The following BIRC6 variants were observed in gnomAD, a reference collection of about 807,000 sequenced individuals.
BIRC6 encodes dual E2 ubiquitin-conjugating enzyme/E3 ubiquitin-protein ligase BIRC6.
BIRC6 carries 98 observed loss-of-function variants against 503.3 expected under a neutral mutation model. That is an observed-to-expected ratio of 0.19 (90% CI 0.17 to 0.23). The LOEUF is 0.23. BIRC6 is among the 10% of genes least tolerant of loss of function. BIRC6 has a pLI of 1.00. For missense variants in BIRC6, 5,360 were observed against 5,806.0 expected (o/e 0.92, Z 2.50); for synonymous variants, 2,240 against 2,078.7 (o/e 1.08, Z -2.11).
At chr2:32,556,153 C>A (rs979994196) in intron 65 of BIRC6, among the ~76,000 whole-genome samples, 3 of 152,074 alleles carry the variant, frequency 2.0e-5, no homozygotes, top group Non-Finnish European at 4.4e-5. Flanking sequence ...ATGTTAATTC[C>A]TTTTATTTAG....
At chr2:32,484,908 G>GTT (rs1027770286) in intron 39 of BIRC6, among the ~76,000 whole-genome samples, 7 of 152,122 alleles carry the variant, frequency 4.6e-5, no homozygotes, top group African/African-American at 2.4e-5. Flanking sequence ...GTTGTCATCT[G>GTT]TTTTTTGATG....
rs1355232335 is a variant in BIRC6, at chr2:32,506,891, G to A, written c.9701-1089G>A. On this transcript the variant is annotated intron_variant, in intron 50 of 73. Transcript: ENST00000421745. The stretch of plus-strand genomic sequence containing the variant: ...GATAATACTTTCCTCAAAAGGTTTT[G>A]AAGTAGAAATTTAAAAATTAACTTG... Among the ~76,000 whole-genome samples, 3 of 152,104 alleles carry A rather than the reference G, an allele frequency of 2.0e-5. No homozygotes were observed. The East Asian group carries it at 5.8e-4, about 29-fold the overall frequency.
At chr2:32,579,935 G>T (rs1430455927) in intron 66 of BIRC6, among the ~76,000 whole-genome samples, 8 of 151,488 alleles carry the variant, frequency 5.3e-5, no homozygotes, top group Admixed American at 2.0e-4. Context: ...ATATAAATGG[G>T]GGAAATAATA....
intron 28 of BIRC6, 98 bp downstream of exon 28, chr2:32,468,209 C>A: frequency 8.0e-7 from 1 of 1,256,946 alleles, no homozygotes; most frequent in Non-Finnish European, 1.1e-6. Context: ...CATAGGTGTA[C>A]AGATAAGAGA....
At chr2:32,456,551 G>T (rs992753816) in intron 23 of BIRC6, among the ~76,000 whole-genome samples, 3 of 152,218 alleles carry the variant, frequency 2.0e-5, no homozygotes, top group Non-Finnish European at 4.4e-5. Flanking sequence ...GCTTCAGTAA[G>T]TAAGTAACCT....
chr2:32,429,697 C>CT (rs2043891048), intron 11 of BIRC6, among the ~76,000 whole-genome samples: 2 of 152,000 alleles, frequency 1.3e-5, no homozygotes, highest in Admixed American at 1.3e-4. Context: ...TTGTTTTTGC[C>CT]TTTTTTCTCC....
intron 13 of BIRC6, 139 bp downstream of exon 13, chr2:32,433,943 T>G: frequency 1.5e-6 from 1 of 680,714 alleles, no homozygotes; most frequent in Non-Finnish European, 2.3e-6. Context: ...GTGATTTTAT[T>G]TAAAAAAGTA....
In BIRC6 at chr2:32,499,599, G is replaced by C; in HGVS notation, c.8521G>C (p.Glu2841Gln). 6.2e-7 allele frequency: 1 copy of C among 1,613,714 alleles called. No individual in the cohort carries two copies. The highest frequency in any genetic ancestry group is 8.5e-7 in the Non-Finnish European group (1 of 1,179,798). ...GPLDAQVKLL[E>Q]FTLEQNFEVV... ...TCTCGATGCCCAAGTGAAGCTCTTA[G>C]AATTCACTCTGGAGCAGAATTTTGA... The change falls in exon 46 of 74, where the codon GAA becomes CAA. Residue 2841 changes from glutamate to glutamine, a missense_variant. Around this residue, in one of 16 missense-constraint regions of BIRC6, gnomAD observed 2,299 missense variants for 2,267.2 expected, o/e 1.01. Coordinates refer to ENST00000421745, the MANE Select transcript of BIRC6 (RefSeq NM_016252.4).
At chr2:32,370,359 A>T (rs1229541562) in intron 1 of BIRC6, among the ~76,000 whole-genome samples, 1 of 152,170 alleles carries the variant, frequency 6.6e-6, no homozygotes, top group Non-Finnish European at 1.5e-5. Context: ...AATGAAGAGA[A>T]TCATAACTTG....
Position 32,485,745 on chromosome 2 carries a change from A to G in BIRC6, c.7799A>G (p.Asn2600Ser), listed in dbSNP as rs1449863595. The G allele has an allele frequency of 6.2e-7, 1 of 1,600,634 alleles. No homozygotes were observed. The highest frequency in any genetic ancestry group is 8.6e-7 in the Non-Finnish European group (1 of 1,167,890). ...EADSILQALTNTSPTLSQSPT... is the reference protein window; with the variant it reads ...EADSILQALTSTSPTLSQSPT... ...GATTCCATTTTACAGGCATTAACAA[A>G]TACATCTCCTACATGTAAGTAAAAT... is the stretch of plus-strand genomic sequence containing the variant. Residue 2600 changes from asparagine to serine, a missense_variant, in exon 40 of 74, where the codon AAT becomes AGT. By Grantham distance (46) the Asn-to-Ser change is conservative. Around this residue, in one of 16 missense-constraint regions of BIRC6, gnomAD observed 2,299 missense variants for 2,267.2 expected, o/e 1.01. Transcript: ENST00000421745.
chr2:32,510,751 G>T (rs1018825326), intron 53 of BIRC6, 117 bp downstream of exon 53: 10 of 694,910 alleles, frequency 1.4e-5, no homozygotes, highest in Middle Eastern at 2.6e-4. Flanking sequence ...GTGATATATT[G>T]TATGTTTACC....
chr2:32,378,755 C>T (rs2037206454), intron 2 of BIRC6, among the ~76,000 whole-genome samples: 1 of 152,178 alleles, frequency 6.6e-6, no homozygotes. Flanking sequence ...CCGCACCCAG[C>T]CACACAACCA....
intron 10 of BIRC6, among the ~76,000 whole-genome samples, chr2:32,417,259 A>G (rs1450309671): frequency 1.3e-5 from 2 of 152,132 alleles, no homozygotes; most frequent in Non-Finnish European, 2.9e-5. Context: ...TCTCCTGAAT[A>G]GCTGGGACTA....
intron 22 of BIRC6, among the ~76,000 whole-genome samples, chr2:32,449,672 G>T (rs571644915): frequency 6.6e-6 from 1 of 152,034 alleles, no homozygotes; most frequent in Non-Finnish European, 1.5e-5. Flanking sequence ...AACTTATGAG[G>T]TGTAATAAAA....
In BIRC6 at chr2:32,503,056, A is replaced by G. The variant is rs1398446319; in HGVS notation, c.9319A>G (p.Ile3107Val). ...TATAAATTTAGGTGGTGTTCAGCTC[A>G]TATGCAATAATATGGTTACTAGTAC... ...AFHDMGGVQLICNNMVTSTRA... is the reference protein window; with the variant it reads ...AFHDMGGVQLVCNNMVTSTRA... Residue 3107 changes from isoleucine (I) to valine (V), a missense_variant, in exon 49 of 74, where the codon ATA becomes GTA. Coordinates refer to ENST00000421745, the MANE Select transcript of BIRC6 (RefSeq NM_016252.4). 2.5e-6 allele frequency: 4 copies of G among 1,598,374 alleles called. No individual in the cohort carries two copies. The highest frequency in any genetic ancestry group is 1.8e-5 in the Admixed American group (1 of 57,078).
intron 65 of BIRC6, among the ~76,000 whole-genome samples, chr2:32,567,270 T>A (rs1223149779): frequency 6.6e-6 from 1 of 152,238 alleles, no homozygotes; most frequent in Non-Finnish European, 1.5e-5. Flanking sequence ...ACACCTGGTC[T>A]ACCCACTTCT....
chr2:32,379,828 C>T (rs969517966), intron 2 of BIRC6, among the ~76,000 whole-genome samples: 1 of 152,078 alleles, frequency 6.6e-6, no homozygotes, highest in Admixed American at 6.6e-5. Flanking sequence ...TTAAGTTTGT[C>T]TCTTCAGATT....
chr2:32,432,703 T>C (rs1574164330), intron 12 of BIRC6, among the ~76,000 whole-genome samples: 2 of 150,162 alleles, frequency 1.3e-5, no homozygotes, highest in South Asian at 4.2e-4. Context: ...GAGGCTGTAG[T>C]GAGCCGTGAT....
intron 65 of BIRC6, among the ~76,000 whole-genome samples, chr2:32,551,753 C>G (rs1379099438): frequency 1.3e-5 from 2 of 152,134 alleles, no homozygotes; most frequent in Non-Finnish European, 2.9e-5. Context: ...AGGATCCACT[C>G]CACCATTTTT....
Sources: allele counts gnomAD v4.1 joint callset (sites outside exome capture counted in the v4.1 genomes callset), GRCh38; gene constraint gnomAD v4.1.1; regional missense constraint gnomAD v4.1.1; transcripts MANE v1.5; gene names NCBI Gene and HGNC (gene_info 2026-07-23, HGNC 2026-07-21).